The following STXBP5L variants were observed in gnomAD, a reference collection of about 807,000 sequenced individuals.
The protein encoded by STXBP5L is syntaxin binding protein 5L.
In STXBP5L, 65 loss-of-function variants were observed where a neutral mutation model predicts 144.5. That is an observed-to-expected ratio of 0.45 (90% confidence interval 0.37 to 0.55). STXBP5L has a LOEUF of 0.55. Among genes scored for constraint, STXBP5L ranks in the 20% least tolerant of loss-of-function variants. The probability of loss-of-function intolerance (pLI) is 0.00; values close to 1 mark genes in which losing one functional copy is unlikely to be tolerated. For synonymous variants in STXBP5L, 505 were observed against 469.6 expected (o/e 1.08, Z -0.97); for missense variants, 1,298 against 1,405.5 (o/e 0.92, Z 1.22).
chr3:120,959,803 T>C (rs1325880212), intron 3 of STXBP5L, among the ~76,000 whole-genome samples: 1 of 152,114 alleles, frequency 6.6e-6, no homozygotes, highest in East Asian at 1.9e-4. Flanking sequence ...ATAAAAACCC[T>C]AGAAGAAAAC....
rs117801044 is a variant in STXBP5L at position 121,155,630 on chromosome 3, C to T, written c.754-1874C>T. Among the ~76,000 whole-genome samples, 250 of 151,714 alleles carry T rather than the reference C, an allele frequency of 1.6e-3. 3 individuals carry two copies. In the East Asian group the frequency reaches 0.037, roughly 23 times the overall value. ...TTTTCAGTAAGCCCTCTGAGCCCCC[C>T]TCCCTTTTTTTGAGAAAAGAGAGGG... On this transcript the variant is annotated intron_variant, in intron 8 of 26. Transcript: ENST00000471454.
chr3:121,382,311 T>C (rs947663515), intron 22 of STXBP5L, among the ~76,000 whole-genome samples: 6 of 152,024 alleles, frequency 3.9e-5, no homozygotes, highest in African/African-American at 7.2e-5. Context: ...CTTTAACTAG[T>C]GTGCTAAGTT....
chr3:121,359,282 C>A (rs539513477), intron 20 of STXBP5L, among the ~76,000 whole-genome samples: 1 of 152,186 alleles, frequency 6.6e-6, no homozygotes, highest in African/African-American at 2.4e-5. Flanking sequence ...AAATATTTTG[C>A]CCATCTTTTG....
chr3:121,274,955 G>C (rs1305509006), intron 18 of STXBP5L, among the ~76,000 whole-genome samples: 1 of 152,188 alleles, frequency 6.6e-6, no homozygotes, highest in Non-Finnish European at 1.5e-5. Context: ...CCCAAGGTAA[G>C]AGAGCAGTCA....
chr3:121,313,741 C>CT (rs1478517982), intron 19 of STXBP5L, among the ~76,000 whole-genome samples: 14 of 129,292 alleles, frequency 1.1e-4, no homozygotes, highest in African/African-American at 3.8e-4. Flanking sequence ...GGGCTGACCC[C>CT]CCCCACCTCC....
intron 3 of STXBP5L, among the ~76,000 whole-genome samples, chr3:120,990,527 T>A (rs538956586): frequency 2.5e-4 from 38 of 152,220 alleles, no homozygotes; most frequent in African/African-American, 9.2e-4. Context: ...ACAACAAAGC[T>A]GGAGGCATCA....
chr3:121,115,881 C>T (rs868384562), intron 6 of STXBP5L, among the ~76,000 whole-genome samples: 7 of 151,988 alleles, frequency 4.6e-5, no homozygotes, highest in Non-Finnish European at 8.8e-5. Context: ...CAAGATCTCA[C>T]GAGAATTCAT....
chr3:121,251,151 C>T (rs930572511), intron 15 of STXBP5L, among the ~76,000 whole-genome samples: 6 of 152,126 alleles, frequency 3.9e-5, no homozygotes, highest in African/African-American at 1.4e-4. Context: ...CACTCATCTA[C>T]CACATCCTGC....
intron 5 of STXBP5L, among the ~76,000 whole-genome samples, chr3:121,095,889 C>G (rs921566359): frequency 6.6e-6 from 1 of 152,082 alleles, no homozygotes; most frequent in Admixed American, 6.5e-5. Flanking sequence ...TAGCTTTTCC[C>G]CTCTGTTTTT....
chr3:121,417,448 T>C (rs1268907149), intron 25 of STXBP5L, among the ~76,000 whole-genome samples: 1 of 152,116 alleles, frequency 6.6e-6, no homozygotes, highest in East Asian at 1.9e-4. Context: ...CCAAAATAGC[T>C]GTTTTTTTTT....
chr3:121,028,030 G>T (rs1382932219), intron 3 of STXBP5L, among the ~76,000 whole-genome samples: 1 of 151,898 alleles, frequency 6.6e-6, no homozygotes, highest in Non-Finnish European at 1.5e-5. Context: ...ATCTGTTCTG[G>T]AAATAAAAAT....
chr3:121,173,182 G>T (rs1303081697), intron 9 of STXBP5L, among the ~76,000 whole-genome samples: 2 of 151,960 alleles, frequency 1.3e-5, no homozygotes, highest in Non-Finnish European at 2.9e-5. Flanking sequence ...CCTGTTAGGG[G>T]ATGGGGGGCT....
intron 19 of STXBP5L, among the ~76,000 whole-genome samples, chr3:121,291,348 A>T (rs1193428221): frequency 2.0e-5 from 3 of 152,100 alleles, no homozygotes; most frequent in Non-Finnish European, 2.9e-5. Flanking sequence ...TACCTAACTA[A>T]GGAGGTGAAC....
intron 19 of STXBP5L, among the ~76,000 whole-genome samples, chr3:121,294,958 G>A (rs1447582133): frequency 6.6e-6 from 1 of 152,024 alleles, no homozygotes; most frequent in Non-Finnish European, 1.5e-5. Flanking sequence ...TGAAATAGAA[G>A]CCAAAATATT....
chr3:121,120,137 A>T (rs1293519059), intron 6 of STXBP5L, among the ~76,000 whole-genome samples: 2 of 151,332 alleles, frequency 1.3e-5, no homozygotes, highest in Non-Finnish European at 3.0e-5. Flanking sequence ...AGGGTTTCCC[A>T]AAGTTTTAAA....
intron 22 of STXBP5L, among the ~76,000 whole-genome samples, chr3:121,402,352 G>C (rs1371021498): frequency 6.6e-6 from 1 of 152,126 alleles, no homozygotes; most frequent in Non-Finnish European, 1.5e-5. Flanking sequence ...TAAGGGAAAA[G>C]GAAAGCAAAT....
intron 3 of STXBP5L, among the ~76,000 whole-genome samples, chr3:120,971,332 G>T (rs755723737): frequency 6.6e-6 from 1 of 151,808 alleles, no homozygotes. Context: ...CCCAAGTAGT[G>T]TACATTGTAC....
At chr3:120,973,115 G>C (rs188081427) in intron 3 of STXBP5L, among the ~76,000 whole-genome samples, 146 of 152,042 alleles carry the variant, frequency 9.6e-4, no homozygotes, top group Admixed American at 4.0e-3. Flanking sequence ...TTCCCTTCTC[G>C]ATATTTTGGC....
chr3:121,348,559 A>G (rs1279248202), intron 20 of STXBP5L, among the ~76,000 whole-genome samples: 2 of 152,134 alleles, frequency 1.3e-5, no homozygotes, highest in Non-Finnish European at 2.9e-5. Context: ...TACTTCTGGT[A>G]GAATTCAGCT....
Sources: gnomAD v4.1 joint callset for allele counts (sites outside exome capture counted in the v4.1 genomes callset) on GRCh38, gnomAD v4.1.1 for gene constraint, MANE v1.5 for transcripts, NCBI Gene and HGNC (gene_info 2026-07-23, HGNC 2026-07-21) for gene names.